MYO10: variants seen among roughly 807,000 people sequenced by gnomAD.
The protein encoded by MYO10 is myosin X, also known as unconventional myosin-X.
A neutral mutation model predicts 257.3 loss-of-function variants in MYO10; 133 were observed. The observed-to-expected ratio is 0.52, with a 90% CI of 0.45 to 0.60. MYO10 has a LOEUF of 0.60. Among genes scored for constraint, MYO10 ranks in the 20% least tolerant of loss-of-function variants. MYO10 has a pLI of 0.00. For missense variants in MYO10, 2,399 were observed against 2,635.7 expected, an observed-to-expected ratio of 0.91 and a Z score of 1.97; for synonymous variants, 1,104 against 1,028.6, an observed-to-expected ratio of 1.07 and a Z score of -1.40.
intron 3 of MYO10, among the ~76,000 whole-genome samples, chr5:16,808,243 G>A (rs1051740894): frequency 3.9e-5 from 6 of 152,124 alleles, no homozygotes; most frequent in Admixed American, 3.3e-4. Context: ...TGGGAGGATC[G>A]CTTGAGGCCA....
At chr5:16,676,574 G>A (rs33272) in intron 33 of MYO10, among the ~76,000 whole-genome samples, 26,029 of 152,110 alleles carry the variant, frequency 0.17, 2,595 homozygotes, top group East Asian at 0.26. Flanking sequence ...AATTAGCCGG[G>A]TGTGGTGGCT....
intron 19 of MYO10, among the ~76,000 whole-genome samples, chr5:16,726,919 C>CAATACAATAGCA (rs1215719006): frequency 6.6e-6 from 1 of 152,162 alleles, no homozygotes; most frequent in Non-Finnish European, 1.5e-5. Flanking sequence ...ACCACTTCCA[C>CAATACAATAGCA]AATACAATAG....
At chr5:16,865,835 A>AATAATAATAATAATG (rs1744230317) in intron 2 of MYO10, among the ~76,000 whole-genome samples, 2 of 151,516 alleles carry the variant, frequency 1.3e-5, no homozygotes, top group Admixed American at 6.6e-5. Context: ...TAATAATAAT[A>AATAATAATAATAATG]GTAAAAAATA....
intron 1 of MYO10, among the ~76,000 whole-genome samples, chr5:16,923,660 C>CCATACA (rs913017520): frequency 2.6e-5 from 3 of 116,172 alleles, no homozygotes; most frequent in Non-Finnish European, 5.3e-5. Context: ...TTAAACACGC[C>CCATACA]CATACACACA....
intron 1 of MYO10, among the ~76,000 whole-genome samples, chr5:16,878,998 GA>G (rs921546797): frequency 1.2e-4 from 18 of 144,600 alleles, no homozygotes; most frequent in Admixed American, 2.7e-4. Context: ...AAAAAAAAAA[GA>G]AAAAAAAAGA....
chr5:16,809,955 G>A (rs1742387086), intron 3 of MYO10, among the ~76,000 whole-genome samples: 1 of 152,078 alleles, frequency 6.6e-6, no homozygotes, highest in African/African-American at 2.4e-5. Context: ...GACTGGGAGA[G>A]GAGTCTCCTC....
intron 19 of MYO10, among the ~76,000 whole-genome samples, chr5:16,713,803 G>A (rs999905498): frequency 2.6e-5 from 4 of 152,186 alleles, no homozygotes; most frequent in Non-Finnish European, 5.9e-5. Context: ...GCTGGACAAG[G>A]CACAACTTAA....
chr5:16,689,829 A>G lies in MYO10; in HGVS notation c.3891T>C (p.Asp1297=), dbSNP rs751513889. 6 of 1,611,370 alleles carry G rather than the reference A, an allele frequency of 3.7e-6. No homozygotes were observed. Among genetic ancestry groups the G allele is most frequent in the South Asian group, 1.1e-5 (1 of 90,992 alleles). ...TFHLIAESPE[D]ASQWFSVLSQ... is the part of the protein sequence containing the mutation. The stretch of plus-strand genomic sequence containing the variant: ...AGTCAACAGCGCAGACTCACCTGGC[A>G]TCTTCTGGGGACTCTGCAATCAGGT... The change falls in exon 28 of 41, where the codon GAT becomes GAC. Residue 1297 remains aspartate, a synonymous_variant. Coordinates refer to ENST00000513610, the MANE Select transcript of MYO10 (RefSeq NM_012334.3).
At chr5:16,868,497 G>A (rs559597844) in intron 2 of MYO10, among the ~76,000 whole-genome samples, 6 of 152,236 alleles carry the variant, frequency 3.9e-5, no homozygotes, top group South Asian at 2.1e-4. Flanking sequence ...CCAGCCACTC[G>A]GGAGGCTGAG....
At chr5:16,672,049 C>T (rs1426825376) in intron 37 of MYO10, among the ~76,000 whole-genome samples, 1 of 152,164 alleles carries the variant, frequency 6.6e-6, no homozygotes, top group Non-Finnish European at 1.5e-5. Context: ...AATCCCAGCA[C>T]TTTGGGAGGC....
At chr5:16,887,468 C>A (rs1156500204) in intron 1 of MYO10, among the ~76,000 whole-genome samples, 2 of 152,086 alleles carry the variant, frequency 1.3e-5, no homozygotes, top group Non-Finnish European at 2.9e-5. Flanking sequence ...TTCCAACTTG[C>A]CAACTGATTG....
intron 2 of MYO10, among the ~76,000 whole-genome samples, chr5:16,823,621 G>A (rs188903646): frequency 0.022 from 3,316 of 150,598 alleles, 109 homozygotes; most frequent in African/African-American, 0.077. Flanking sequence ...ACAGGCGCCC[G>A]CCACCACGCC....
At chr5:16,746,610 C>G (rs975453069) in intron 19 of MYO10, among the ~76,000 whole-genome samples, 2 of 152,206 alleles carry the variant, frequency 1.3e-5, no homozygotes, top group Non-Finnish European at 2.9e-5. Context: ...GTTGAAATAT[C>G]ACACTACAGA....
intron 1 of MYO10, among the ~76,000 whole-genome samples, chr5:16,904,635 C>T (rs1337958335): frequency 6.6e-6 from 1 of 152,176 alleles, no homozygotes; most frequent in East Asian, 1.9e-4. Context: ...CTGGTGTCAG[C>T]AGTGTGTTGT....
rs59008302 is a variant in MYO10, at chr5:16,891,320, AAAGGAAGGAAGGAAGGAAGGAAGG to A, written c.22-13637_22-13614del. ...GAAAGAGAGAGAAAAGGAGAAGAGA[AAAGGAAGGAAGGAAGGAAGGAAGG>A]AAGGAAGGAAGGAAGGAAGGAAGGA... On this transcript the variant is annotated intron_variant, in intron 1 of 40. Transcript: ENST00000513610. Among the ~76,000 whole-genome samples, 183 of 88,106 alleles carry A rather than the reference AAAGGAAGGAAGGAAGGAAGGAAGG, an allele frequency of 2.1e-3. 4 individuals carry two copies. The highest frequency in any genetic ancestry group is 0.018 in the East Asian group (60 of 3,360). The allele number at this position is 88,106 out of a possible 152,430, so 57.8% of individuals were successfully genotyped here.
At chr5:16,748,992 T>C (rs558227257) in intron 19 of MYO10, among the ~76,000 whole-genome samples, 3 of 151,976 alleles carry the variant, frequency 2.0e-5, no homozygotes, top group South Asian at 2.1e-4. Context: ...TGTCTCGGGG[T>C]AGAGACAGAT....
intron 1 of MYO10, among the ~76,000 whole-genome samples, chr5:16,901,130 C>T (rs12108707): frequency 0.028 from 4,331 of 152,184 alleles, 213 homozygotes; most frequent in African/African-American, 0.1. Context: ...GTTGTCTCAG[C>T]CCCCCTCTCC....
At chr5:16,903,360 G>A (rs1745438498) in intron 1 of MYO10, among the ~76,000 whole-genome samples, 1 of 152,222 alleles carries the variant, frequency 6.6e-6, no homozygotes, top group South Asian at 2.1e-4. Context: ...AGCGAGCTGA[G>A]ATCGTGCCAT....
chr5:16,766,188 T>A lies in MYO10; in HGVS notation c.1071A>T (p.Arg357Ser). 6.2e-7 allele frequency: 1 copy of A among 1,613,176 alleles called. No homozygotes were observed. Among genetic ancestry groups the A allele is most frequent in the Non-Finnish European group, 8.5e-7 (1 of 1,179,328 alleles). The change falls in exon 11 of 41, where the codon AGA becomes AGT. Residue 357 changes from arginine (R) to serine (S), a missense_variant. Arg to Ser is a moderately radical substitution (Grantham distance 110). Coordinates refer to ENST00000513610, the MANE Select transcript of MYO10 (RefSeq NM_012334.3). Reference sequence around the variant, plus strand: ...GGTCCAGCCCAAGTAACTCCGCAGATCTGCCCAAAGCTGCAGAGAATAAGA... The same window carrying A: ...GGTCCAGCCCAAGTAACTCCGCAGAACTGCCCAAAGCTGCAGAGAATAAGA... ...AQVSFKTALG[R>S]SAELLGLDPT...
Sources: gnomAD v4.1 joint callset for allele counts (sites outside exome capture counted in the v4.1 genomes callset) on GRCh38, gnomAD v4.1.1 for gene constraint, MANE v1.5 for transcripts, NCBI Gene and HGNC (gene_info 2026-07-23, HGNC 2026-07-21) for gene names.